Variants in CDH10 observed in about 807,000 individuals in gnomAD.
CDH10 encodes the protein cadherin-10.
CDH10 carries 30 observed loss-of-function variants against 73.1 expected under a neutral mutation model. That is an observed-to-expected ratio of 0.41 (90% CI 0.31 to 0.56). The LOEUF (loss-of-function observed/expected upper bound fraction) is 0.56, where lower values mean the gene tolerates loss of function less well. Among genes scored for constraint, CDH10 ranks in the 20% least tolerant of loss-of-function variants. CDH10 has a pLI of 0.27. For synonymous variants in CDH10, 345 were observed against 348.2 expected (o/e 0.99, Z 0.10); for missense variants, 815 against 973.7 (o/e 0.84, Z 2.17).
intron 2 of CDH10, among the ~76,000 whole-genome samples, chr5:24,549,782 C>T (rs889531267): frequency 1.3e-5 from 2 of 152,112 alleles, no homozygotes; most frequent in East Asian, 3.9e-4. Flanking sequence ...AAACTCCTGA[C>T]CTCAGGTGAG....
rs139472417 is a variant in CDH10, at chr5:24,615,012, G to A, written c.-123-21399C>T. The stretch of plus-strand genomic sequence containing the variant: ...CTACATATTCTGTTGTCTCTGGTGA[G>A]TGTGGCCACCTCCCCAACAAGTAGA... On this transcript the variant is annotated intron_variant, in intron 1 of 11. Coordinates refer to ENST00000264463, the MANE Select transcript of CDH10 (RefSeq NM_006727.5). Among the ~76,000 whole-genome samples the A allele has an allele frequency of 1.2e-4, 18 of 152,258 alleles. No homozygotes were observed. The South Asian group carries it at 2.5e-3, about 21-fold the overall frequency.
At chr5:24,528,936 T>A (rs1402486166) in intron 5 of CDH10, among the ~76,000 whole-genome samples, 1 of 151,970 alleles carries the variant, frequency 6.6e-6, no homozygotes, top group African/African-American at 2.4e-5. Context: ...TTTTTTTAAC[T>A]AATGAAAAGG....
chr5:24,558,907 T>C (rs1014555763), intron 2 of CDH10, among the ~76,000 whole-genome samples: 1 of 151,854 alleles, frequency 6.6e-6, no homozygotes, highest in African/African-American at 2.4e-5. Flanking sequence ...AAGATCCAGA[T>C]TTTTCTCTCA....
intron 2 of CDH10, among the ~76,000 whole-genome samples, chr5:24,559,929 T>A (rs1473224960): frequency 6.6e-6 from 1 of 152,162 alleles, no homozygotes; most frequent in Non-Finnish European, 1.5e-5. Context: ...AATGTGGTCA[T>A]ACTTTCTGTG....
chr5:24,621,670 G>A (rs9918256), intron 1 of CDH10, among the ~76,000 whole-genome samples: 13,077 of 152,000 alleles, frequency 0.086, 702 homozygotes, highest in African/African-American at 0.14. Flanking sequence ...AAGAACTGAA[G>A]GAAAAAAGAG....
At chr5:24,617,281 C>T (rs1294033568) in intron 1 of CDH10, among the ~76,000 whole-genome samples, 2 of 152,214 alleles carry the variant, frequency 1.3e-5, no homozygotes, top group Non-Finnish European at 2.9e-5. Context: ...TCTCCAGATA[C>T]TGCCAAATAC....
chr5:24,603,994 T>A (rs1182090597), intron 1 of CDH10, among the ~76,000 whole-genome samples: 1 of 152,122 alleles, frequency 6.6e-6, no homozygotes, highest in African/African-American at 2.4e-5. Flanking sequence ...GAATATACGA[T>A]CAAACAAAAC....
In CDH10 at chr5:24,490,297, T is replaced by C. The variant is rs532040193; in HGVS notation, c.1876+1279A>G. On this transcript the variant is annotated intron_variant, in intron 11 of 11. Transcript: ENST00000264463. ...ATTAACTTTTCCTCAATGTTTGTTG[T>C]ACTAATGGTAAGTCAAATTATAAAA... is the stretch of plus-strand genomic sequence containing the variant. Among the ~76,000 whole-genome samples the C allele has an allele frequency of 2.0e-5, 3 of 152,260 alleles. 1 individual carries two copies. Among genetic ancestry groups the C allele is most frequent in the South Asian group, 4.1e-4 (2 of 4,830 alleles).
intron 2 of CDH10, among the ~76,000 whole-genome samples, chr5:24,570,088 G>A (rs891811879): frequency 2.6e-5 from 4 of 152,072 alleles, no homozygotes; most frequent in Non-Finnish European, 4.4e-5. Context: ...TTTTCTATGA[G>A]ATTTGTTTTT....
intron 2 of CDH10, among the ~76,000 whole-genome samples, chr5:24,560,986 C>A (rs1744940265): frequency 6.6e-6 from 1 of 152,040 alleles, no homozygotes; most frequent in African/African-American, 2.4e-5. Context: ...TAGGCCACTT[C>A]CCTAAGCTTC....
chr5:24,566,619 T>A (rs1002246478), intron 2 of CDH10, among the ~76,000 whole-genome samples: 1 of 152,142 alleles, frequency 6.6e-6, no homozygotes, highest in Non-Finnish European at 1.5e-5. Flanking sequence ...AAAGTTGTTT[T>A]CACAAATTAT....
At chr5:24,522,083 G>A (rs1158627427) in intron 5 of CDH10, among the ~76,000 whole-genome samples, 2 of 152,012 alleles carry the variant, frequency 1.3e-5, no homozygotes, top group Middle Eastern at 3.2e-3. Context: ...TCAGTGAGCC[G>A]CAATTGTGCC....
intron 8 of CDH10, among the ~76,000 whole-genome samples, chr5:24,501,818 G>A (rs1742506975): frequency 6.6e-6 from 1 of 152,162 alleles, no homozygotes; most frequent in Admixed American, 6.5e-5. Flanking sequence ...TTCAGAGGTA[G>A]TGAGAGGAGC....
chr5:24,509,719 G>T lies in CDH10; in HGVS notation c.1103C>A (p.Thr368Asn), dbSNP rs765253829. ...TTCTATAGAGATTTTCACTATGGTA[G>T]TATCTTTAAATGGTCCTAGGTAATA... ...RFYYLGPFKDTTIVKISIEDV... is the reference protein window; with the variant it reads ...RFYYLGPFKDNTIVKISIEDV... Residue 368 changes from threonine to asparagine, a missense_variant, in exon 7 of 12, where the codon ACT (threonine) becomes AAT (asparagine). Physicochemically the swap from Thr to Asn is moderately conservative, Grantham distance 65 (BLOSUM62 0). Coordinates refer to ENST00000264463, the MANE Select transcript of CDH10 (RefSeq NM_006727.5). The T allele has an allele frequency of 3.7e-6, 6 of 1,613,230 alleles. No individual in the cohort carries two copies. The highest frequency in any genetic ancestry group is 5.1e-6 in the Non-Finnish European group (6 of 1,179,250).
intron 6 of CDH10, among the ~76,000 whole-genome samples, 194 bp downstream of exon 6, chr5:24,511,133 A>G (rs561544132): frequency 3.5e-4 from 54 of 152,334 alleles, no homozygotes; most frequent in Non-Finnish European, 6.9e-4. Context: ...TCCTGTCTCA[A>G]TCAACCAAAA....
intron 1 of CDH10, among the ~76,000 whole-genome samples, chr5:24,643,715 C>T (rs1315675369): frequency 6.6e-6 from 1 of 152,066 alleles, no homozygotes; most frequent in African/African-American, 2.4e-5. Context: ...GTCTTTGTAC[C>T]TGTAGACTCC....
chr5:24,522,124 T>C (rs1374481989), intron 5 of CDH10, among the ~76,000 whole-genome samples: 1 of 151,852 alleles, frequency 6.6e-6, no homozygotes, highest in Non-Finnish European at 1.5e-5. Context: ...AGAGCGAGAC[T>C]CTGTCTCAAA....
At chr5:24,501,279 A>G (rs1742485064) in intron 8 of CDH10, among the ~76,000 whole-genome samples, 1 of 152,192 alleles carries the variant, frequency 6.6e-6, no homozygotes, top group South Asian at 2.1e-4. Context: ...CAATATAGAG[A>G]TTCTCCAGGG....
chr5:24,622,024 C>T (rs1049373090), intron 1 of CDH10, among the ~76,000 whole-genome samples: 10 of 152,134 alleles, frequency 6.6e-5, no homozygotes, highest in Non-Finnish European at 1.2e-4. Context: ...GGCTTCTTGC[C>T]AGCTCTTGCA....
Sources: gnomAD v4.1 joint callset for allele counts (sites outside exome capture counted in the v4.1 genomes callset) on GRCh38, gnomAD v4.1.1 for gene constraint, MANE v1.5 for transcripts, NCBI Gene and HGNC (gene_info 2026-07-23, HGNC 2026-07-21) for gene names.